CWC27: variants seen among roughly 807,000 people sequenced by gnomAD.
CWC27 encodes the protein CWC27 spliceosome associated cyclophilin.
In CWC27, 47 loss-of-function variants were observed where a neutral mutation model predicts 63.6. That is an observed-to-expected ratio of 0.74 (90% confidence interval 0.58 to 0.94). The LOEUF (loss-of-function observed/expected upper bound fraction) is 0.94, where lower values mean the gene tolerates loss of function less well. CWC27 is among the 40% of genes least tolerant of loss of function. The pLI, the probability that CWC27 is intolerant of heterozygous loss-of-function variation, is 0.00. For missense variants in CWC27, 495 were observed against 554.3 expected, an observed-to-expected ratio of 0.89 and a Z score of 1.07; for synonymous variants, 175 against 179.8, an observed-to-expected ratio of 0.97 and a Z score of 0.22.
At chr5:64,963,238 A>G (rs943017621) in intron 11 of CWC27, among the ~76,000 whole-genome samples, 1 of 152,216 alleles carries the variant, frequency 6.6e-6, no homozygotes, top group East Asian at 1.9e-4. Context: ...CTCAGATTAC[A>G]GGCATGAGCC....
chr5:64,955,753 G>A (rs1748792223), intron 11 of CWC27, among the ~76,000 whole-genome samples: 1 of 152,068 alleles, frequency 6.6e-6, no homozygotes, highest in Non-Finnish European at 1.5e-5. Context: ...AGTCAAGAGT[G>A]AAACACAGTC....
intron 13 of CWC27, among the ~76,000 whole-genome samples, chr5:64,977,681 T>C (rs1749253440): frequency 6.6e-6 from 1 of 152,202 alleles, no homozygotes; most frequent in Non-Finnish European, 1.5e-5. Context: ...AGTTATGATC[T>C]ACAGGATCCT....
intron 7 of CWC27, among the ~76,000 whole-genome samples, chr5:64,800,047 G>A (rs900840302): frequency 6.6e-6 from 1 of 151,898 alleles, no homozygotes; most frequent in African/African-American, 2.4e-5. Context: ...TGAAAGAAAA[G>A]GTGTTTCTAA....
intron 11 of CWC27, 120 bp downstream of exon 11, chr5:64,885,666 T>G: frequency 3.0e-6 from 2 of 665,300 alleles, no homozygotes; most frequent in Non-Finnish European, 2.6e-6. Context: ...TCATTTTTTC[T>G]TCCCTCTTTC....
intron 10 of CWC27, among the ~76,000 whole-genome samples, chr5:64,807,133 A>G (rs887547052): frequency 2.0e-5 from 3 of 152,150 alleles, no homozygotes; most frequent in Non-Finnish European, 4.4e-5. Context: ...GAAGTACTCT[A>G]TTATCCTTTG....
chr5:64,938,803 C>G (rs1023385804), intron 11 of CWC27, among the ~76,000 whole-genome samples: 1 of 152,078 alleles, frequency 6.6e-6, no homozygotes, highest in Non-Finnish European at 1.5e-5. Context: ...TTTGTTCGTT[C>G]CTTTGCATTC....
chr5:64,783,663 T>C (rs1743776011), intron 3 of CWC27, among the ~76,000 whole-genome samples, 173 bp from the exon 4 acceptor site: 1 of 152,216 alleles, frequency 6.6e-6, no homozygotes, highest in Non-Finnish European at 1.5e-5. Context: ...AGATACAGTC[T>C]AGTGAATTCA....
chr5:64,882,092 G>A (rs1388689798), intron 10 of CWC27, among the ~76,000 whole-genome samples: 1 of 152,148 alleles, frequency 6.6e-6, no homozygotes, highest in Non-Finnish European at 1.5e-5. Context: ...TAAGAAATAG[G>A]AAATAATTGT....
At chr5:65,007,809 T>C (rs1229914199) in intron 13 of CWC27, among the ~76,000 whole-genome samples, 3 of 152,082 alleles carry the variant, frequency 2.0e-5, no homozygotes, top group African/African-American at 7.2e-5. Context: ...TTTGTATTTT[T>C]AGTAGGGACG....
chr5:64,995,273 A>G (rs942798702), intron 13 of CWC27, among the ~76,000 whole-genome samples: 5 of 152,098 alleles, frequency 3.3e-5, no homozygotes, highest in African/African-American at 1.2e-4. Flanking sequence ...CGCCTGGCCT[A>G]TGAAGAATAT....
chr5:64,814,422 A>G (rs1744970922), intron 10 of CWC27, among the ~76,000 whole-genome samples: 1 of 152,134 alleles, frequency 6.6e-6, no homozygotes, highest in Non-Finnish European at 1.5e-5. Flanking sequence ...TGGCTAGGAA[A>G]TTGTTCTGTT....
intron 13 of CWC27, among the ~76,000 whole-genome samples, chr5:65,003,263 A>T (rs1213095804): frequency 2.0e-5 from 3 of 152,202 alleles, no homozygotes; most frequent in African/African-American, 7.2e-5. Context: ...TTAAGCAGCG[A>T]ATTTAATGTG....
At chr5:64,828,013 T>G (rs909442527) in intron 10 of CWC27, among the ~76,000 whole-genome samples, 1 of 152,054 alleles carries the variant, frequency 6.6e-6, no homozygotes, top group Non-Finnish European at 1.5e-5. Flanking sequence ...AGAAACATAG[T>G]ATATATGGGG....
At chr5:64,902,124 T>G (rs1747523453) in intron 11 of CWC27, among the ~76,000 whole-genome samples, 2 of 152,198 alleles carry the variant, frequency 1.3e-5, no homozygotes, top group African/African-American at 4.8e-5. Context: ...ACAATAAAAA[T>G]ATAGGATAAT....
chr5:64,800,269 A>T lies in CWC27; in HGVS notation c.691A>T (p.Ser231Cys). The T allele has an allele frequency of 6.2e-7, 1 of 1,612,402 alleles. No individual in the cohort carries two copies. The highest frequency in any genetic ancestry group is 1.3e-5 in the African/African-American group (1 of 74,956). ...GCAGAGCATGAAGGGCAAAAGCAAA[A>T]GTAGTCATGACTTGCTTAAGGATGA... ...VSQSMKGKSK[S>C]SHDLLKDDPH... Residue 231 changes from serine to cysteine, a missense_variant, in exon 8 of 14, where the codon AGT becomes TGT. Transcript: ENST00000381070.
chr5:64,942,466 A>T (rs1215871533), intron 11 of CWC27, among the ~76,000 whole-genome samples: 2 of 150,952 alleles, frequency 1.3e-5, no homozygotes, highest in Admixed American at 6.6e-5. Context: ...AAAAAGATAA[A>T]AGAAAAACAT....
At chr5:64,975,731 A>T (rs1435480074) in intron 12 of CWC27, among the ~76,000 whole-genome samples, 1 of 152,180 alleles carries the variant, frequency 6.6e-6, no homozygotes, top group Non-Finnish European at 1.5e-5. Context: ...TTCACTTAAC[A>T]ATAGAATGCA....
chr5:64,971,804 G>A lies in CWC27; in HGVS notation c.1144G>A (p.Glu382Lys). The change falls in exon 12 of 14, where the codon GAA (glutamate) becomes AAA (lysine). Residue 382 changes from glutamate (E) to lysine (K), a missense_variant. By Grantham distance (56) the Glu-to-Lys change is moderately conservative. Transcript: ENST00000381070. ...KQQSKKGTSR[E>K]DQTLALLNQF... ...ACAGTCAAAGAAGGGAACTTCCCGG[G>A]AAGATCAGGTAACTTCAAAAACCCA... 1.2e-6 allele frequency: 2 copies of A among 1,607,066 alleles called. No individual in the cohort carries two copies. The highest frequency in any genetic ancestry group is 1.7e-6 in the Non-Finnish European group (2 of 1,177,138).
At chr5:64,861,377 G>T (rs979902093) in intron 10 of CWC27, among the ~76,000 whole-genome samples, 64 of 151,738 alleles carry the variant, frequency 4.2e-4, no homozygotes, top group African/African-American at 1.1e-3. Flanking sequence ...ATAGAGTTAT[G>T]TTTTTTCTTA....
Sources: allele counts gnomAD v4.1 joint callset (sites outside exome capture counted in the v4.1 genomes callset), GRCh38; gene constraint gnomAD v4.1.1; transcripts MANE v1.5; gene names NCBI Gene and HGNC (gene_info 2026-07-23, HGNC 2026-07-21).